Variants in ARL15 observed in about 807,000 individuals in gnomAD.
ARL15 encodes the protein ADP-ribosylation factor-like protein 15.
A neutral mutation model predicts 25.2 loss-of-function variants in ARL15; 19 were observed. The observed-to-expected ratio is 0.75, with a 90% confidence interval of 0.53 to 1.10. The LOEUF (loss-of-function observed/expected upper bound fraction) is 1.10, where lower values mean the gene tolerates loss of function less well. Among genes scored for constraint, ARL15 ranks in the 50% least tolerant of loss-of-function variants. The pLI is 0.00. For synonymous variants in ARL15, 94 were observed against 86.8 expected (o/e 1.08, Z -0.46); for missense variants, 220 against 246.0 (o/e 0.89, Z 0.71).
chr5:53,890,904 T>A (rs1744686687), intron 4 of ARL15, among the ~76,000 whole-genome samples: 1 of 152,184 alleles, frequency 6.6e-6, no homozygotes. Flanking sequence ...GTAGGAGATG[T>A]CCTTTATGTT....
chr5:54,181,649 G>A (rs1755062382), intron 1 of ARL15, among the ~76,000 whole-genome samples: 1 of 152,192 alleles, frequency 6.6e-6, no homozygotes, highest in African/African-American at 2.4e-5. Context: ...AAAGGAGCTA[G>A]GTGGTCGGGC....
chr5:54,080,071 T>C (rs1369585899), intron 4 of ARL15, among the ~76,000 whole-genome samples: 1 of 152,158 alleles, frequency 6.6e-6, no homozygotes, highest in East Asian at 1.9e-4. Context: ...TGACCTTCTA[T>C]GAATGCTATG....
chr5:53,975,874 T>C (rs1747903280), intron 4 of ARL15, among the ~76,000 whole-genome samples: 3 of 152,098 alleles, frequency 2.0e-5, no homozygotes. Context: ...GCCTACGTCA[T>C]CTGGGTGTGT....
rs762822538 is a variant in ARL15, at chr5:54,113,381, G to A, written c.283C>T (p.Arg95Cys). 14 of 1,613,716 alleles carry A rather than the reference G, an allele frequency of 8.7e-6. No homozygotes were observed. The highest frequency in any genetic ancestry group is 1.3e-5 in the African/African-American group (1 of 74,902). ...GADNIRKYWS[R>C]YYQGSQGVIF... ...ACCCCTTGAGATCCTTGGTAGTAGC[G>A]GCTCCAGTATTTCCGGATGTTATCA... Residue 95 changes from arginine to cysteine, a missense_variant, in exon 4 of 5, where the codon CGC becomes TGC. Coordinates refer to ENST00000504924, the MANE Select transcript of ARL15 (RefSeq NM_019087.3).
chr5:54,157,473 G>T (rs1169335089), intron 2 of ARL15, among the ~76,000 whole-genome samples: 6 of 151,988 alleles, frequency 3.9e-5, no homozygotes, highest in African/African-American at 1.5e-4. Flanking sequence ...GTACAGTGGC[G>T]TGGTCTCGGC....
At chr5:53,928,953 A>G (rs926716687) in intron 4 of ARL15, among the ~76,000 whole-genome samples, 8 of 152,206 alleles carry the variant, frequency 5.3e-5, no homozygotes, top group African/African-American at 1.9e-4. Context: ...TGAATTTGCC[A>G]GTTTGTATAG....
rs138582656 is a variant in ARL15, at chr5:54,125,532, C to T, written c.254-12122G>A. ...ATCCTTTTATGGATGAATAATATTC[C>T]ATTGCATGGATATACCACACTGTTT... On this transcript the variant is annotated intron_variant, in intron 3 of 4. Coordinates refer to ENST00000504924, the MANE Select transcript of ARL15 (RefSeq NM_019087.3). Among the ~76,000 whole-genome samples, 775 of 152,246 alleles carry T rather than the reference C, an allele frequency of 5.1e-3. 7 individuals carry two copies. Among genetic ancestry groups the T allele is most frequent in the African/African-American group, 0.017 (726 of 41,536 alleles).
At chr5:54,223,412 G>C (rs1467355359) in intron 1 of ARL15, among the ~76,000 whole-genome samples, 1 of 152,098 alleles carries the variant, frequency 6.6e-6, no homozygotes. Flanking sequence ...GCGTTTTAGA[G>C]TTCGCACACA....
rs138954906 is a variant in ARL15 at position 53,982,812 on chromosome 5, G to T, written c.463-96099C>A. Among the ~76,000 whole-genome samples, 1,483 of 152,214 alleles carry T rather than the reference G, an allele frequency of 9.7e-3. 26 individuals carry two copies. Among genetic ancestry groups the T allele is most frequent in the African/African-American group, 0.034 (1,420 of 41,544 alleles). On this transcript the variant is annotated intron_variant, in intron 4 of 4. Transcript: ENST00000504924. ...TTTACACTCCCACCAACAGTGTAAA[G>T]GCATTCCTATTTCTCCACATCCTCT...
intron 1 of ARL15, among the ~76,000 whole-genome samples, chr5:54,299,496 T>G (rs951752937): frequency 6.6e-6 from 1 of 150,812 alleles, no homozygotes; most frequent in African/African-American, 2.4e-5. Flanking sequence ...ATGTATAGCA[T>G]ATAAAAAATA....
At chr5:53,983,903 C>T (rs1048043221) in intron 4 of ARL15, among the ~76,000 whole-genome samples, 1 of 152,198 alleles carries the variant, frequency 6.6e-6, no homozygotes, top group Non-Finnish European at 1.5e-5. Context: ...CACAGGCCAT[C>T]CAGTCATTTG....
At chr5:54,201,099 G>GT (rs1755711382) in intron 1 of ARL15, among the ~76,000 whole-genome samples, 1 of 151,776 alleles carries the variant, frequency 6.6e-6, no homozygotes, top group Non-Finnish European at 1.5e-5. Flanking sequence ...GCTTTCCTTG[G>GT]TTTTACCCTC....
At chr5:54,103,330 T>G (rs13179263) in intron 4 of ARL15, among the ~76,000 whole-genome samples, 49 of 152,218 alleles carry the variant, frequency 3.2e-4, no homozygotes, top group Non-Finnish European at 6.5e-4. Context: ...AAATGAGATA[T>G]TTTTCTTCAT....
chr5:53,920,951 A>T, intron 4 of ARL15, among the ~76,000 whole-genome samples: 1 of 152,022 alleles, frequency 6.6e-6, no homozygotes, highest in Non-Finnish European at 1.5e-5. Flanking sequence ...CCTTTTCATA[A>T]GTGGTTGAAT....
chr5:54,195,505 C>A (rs1049339954), intron 1 of ARL15, among the ~76,000 whole-genome samples: 17 of 152,146 alleles, frequency 1.1e-4, no homozygotes, highest in Non-Finnish European at 4.4e-5. Flanking sequence ...TTTCAGGAGA[C>A]CTTTTTTCTT....
At chr5:54,112,521 C>T (rs77503228) in intron 4 of ARL15, among the ~76,000 whole-genome samples, 3,823 of 152,242 alleles carry the variant, frequency 0.025, 134 homozygotes, top group African/African-American at 0.081. Context: ...ACTGTACTTA[C>T]GTTATAATTC....
intron 4 of ARL15, among the ~76,000 whole-genome samples, chr5:53,986,902 A>C (rs544796898): frequency 9.2e-5 from 14 of 152,234 alleles, no homozygotes; most frequent in Non-Finnish European, 1.8e-4. Context: ...GGGATTAAGG[A>C]ATATCCAGTA....
At chr5:54,196,597 G>C (rs1444013473) in intron 1 of ARL15, among the ~76,000 whole-genome samples, 1 of 151,926 alleles carries the variant, frequency 6.6e-6, no homozygotes, top group Non-Finnish European at 1.5e-5. Flanking sequence ...TGCCATACTA[G>C]TTCAAGCTTA....
intron 4 of ARL15, among the ~76,000 whole-genome samples, chr5:53,936,789 G>T (rs905706863): frequency 6.6e-6 from 1 of 152,166 alleles, no homozygotes; most frequent in African/African-American, 2.4e-5. Flanking sequence ...AGCAGTGAGA[G>T]TTCCTCTGCT....
Sources: allele counts gnomAD v4.1 joint callset (sites outside exome capture counted in the v4.1 genomes callset), GRCh38; gene constraint gnomAD v4.1.1; transcripts MANE v1.5; gene names NCBI Gene and HGNC (gene_info 2026-07-23, HGNC 2026-07-21).